Variants in AKAP6 observed in about 807,000 individuals in gnomAD.
AKAP6 encodes A-kinase anchor protein 6.
In AKAP6, 58 loss-of-function variants were observed where a neutral mutation model predicts 188.5. That is an observed-to-expected ratio of 0.31 (90% CI 0.25 to 0.38). The LOEUF is 0.38. Ranked by LOEUF, AKAP6 falls within the 10% of genes least tolerant of loss-of-function variation. The probability of loss-of-function intolerance (pLI) is 1.00; values close to 1 mark genes in which losing one functional copy is unlikely to be tolerated. For missense variants in AKAP6, 2,710 were observed against 2,740.0 expected (o/e 0.99, Z 0.24); for synonymous variants, 989 against 998.6 (o/e 0.99, Z 0.18).
chr14:32,824,206 G>A lies in AKAP6; in HGVS notation c.6393G>A (p.Glu2131=). ...DCGEVTNYIE[E]KSSTPLPLDT... ...GGGAGGTCACCAATTACATAGAAGA[G>A]AAAAGCAGCACTCCATTGCCACTAG... The change falls in exon 13 of 14, where the codon GAG becomes GAA. Residue 2131 remains glutamate (E), a synonymous_variant. Transcript: ENST00000280979. 6.2e-7 allele frequency: 1 copy of A among 1,613,926 alleles called. No individual in the cohort carries two copies. The highest frequency in any genetic ancestry group is 8.5e-7 in the Non-Finnish European group (1 of 1,179,934).
rs138816812 is a variant in AKAP6, at chr14:32,756,860, C to T, written c.3373-16818C>T. On this transcript the variant is annotated intron_variant, in intron 11 of 13. Transcript: ENST00000280979. ...GATAGCAGCCTCCTGCCTAGAATCACGGGTGCCATCCTGGTGTCTGAAGTT... is the reference window on the plus strand; with the variant it reads ...GATAGCAGCCTCCTGCCTAGAATCATGGGTGCCATCCTGGTGTCTGAAGTT... Among the ~76,000 whole-genome samples the T allele has an allele frequency of 1.2e-3, 181 of 152,174 alleles. 2 individuals are homozygous for T. Among genetic ancestry groups the T allele is most frequent in the African/African-American group, 3.8e-3 (158 of 41,532 alleles).
chr14:32,608,314 T>C (rs1427203176), intron 7 of AKAP6, among the ~76,000 whole-genome samples: 2 of 151,654 alleles, frequency 1.3e-5, no homozygotes, highest in South Asian at 2.1e-4. Flanking sequence ...GCCTGGCCAA[T>C]ATGGTGAAAC....
At chr14:32,447,361 G>A (rs983561918) in intron 2 of AKAP6, among the ~76,000 whole-genome samples, 15 of 152,024 alleles carry the variant, frequency 9.9e-5, no homozygotes, top group South Asian at 2.1e-4. Flanking sequence ...CTGAATCCTC[G>A]TGTTATGATT....
At chr14:32,383,550 C>T (rs1888437040) in intron 1 of AKAP6, among the ~76,000 whole-genome samples, 1 of 152,152 alleles carries the variant, frequency 6.6e-6, no homozygotes, top group African/African-American at 2.4e-5. Flanking sequence ...GGAGTTACAT[C>T]ATGTGATGTA....
intron 7 of AKAP6, among the ~76,000 whole-genome samples, chr14:32,658,654 G>C (rs900256052): frequency 9.9e-5 from 15 of 151,444 alleles, no homozygotes; most frequent in Admixed American, 3.3e-4. Context: ...TGAAACTTTT[G>C]ATTTGCATCT....
chr14:32,590,461 C>T (rs970609915), intron 5 of AKAP6, among the ~76,000 whole-genome samples: 1 of 151,956 alleles, frequency 6.6e-6, no homozygotes, highest in Non-Finnish European at 1.5e-5. Context: ...CAAAACAAAA[C>T]AAAACTAAAC....
At chr14:32,756,995 A>T (rs2032360698) in intron 11 of AKAP6, among the ~76,000 whole-genome samples, 1 of 152,084 alleles carries the variant, frequency 6.6e-6, no homozygotes, top group Non-Finnish European at 1.5e-5. Flanking sequence ...CAAAGGCCAG[A>T]GTGGTGCCTG....
At chr14:32,688,887 C>T (rs531533247) in intron 8 of AKAP6, among the ~76,000 whole-genome samples, 46 of 152,182 alleles carry the variant, frequency 3.0e-4, no homozygotes, top group Middle Eastern at 3.4e-3. Flanking sequence ...TAGGATTGGG[C>T]AACAGACAAT....
intron 2 of AKAP6, among the ~76,000 whole-genome samples, chr14:32,507,629 G>A (rs1284896890): frequency 6.6e-6 from 1 of 150,764 alleles, no homozygotes; most frequent in African/African-American, 2.4e-5. Context: ...ATTTACCATT[G>A]CAAGGCAACA....
intron 11 of AKAP6, among the ~76,000 whole-genome samples, chr14:32,769,553 T>G (rs2032832928): frequency 1.4e-4 from 1 of 7,376 alleles, no homozygotes; most frequent in African/African-American, 8.1e-4. Flanking sequence ...GCTTCATGGG[T>G]TTTTTTTTTT....
At chr14:32,360,604 A>G (rs1236651924) in intron 1 of AKAP6, among the ~76,000 whole-genome samples, 1 of 152,058 alleles carries the variant, frequency 6.6e-6, no homozygotes, top group Non-Finnish European at 1.5e-5. Context: ...TCAATCGTTT[A>G]TATCAGTATA....
intron 7 of AKAP6, among the ~76,000 whole-genome samples, chr14:32,660,933 C>T (rs968158852): frequency 3.8e-5 from 4 of 103,940 alleles, no homozygotes; most frequent in African/African-American, 1.2e-4. Context: ...CACCCCCCCC[C>T]CTCCCAATTC....
intron 2 of AKAP6, among the ~76,000 whole-genome samples, chr14:32,510,216 T>A: frequency 6.6e-6 from 1 of 151,882 alleles, no homozygotes; most frequent in Non-Finnish European, 1.5e-5. Context: ...TCTGCTATAA[T>A]GCACTCATCA....
intron 7 of AKAP6, among the ~76,000 whole-genome samples, chr14:32,670,054 G>C (rs1594830586): frequency 6.7e-6 from 1 of 150,136 alleles, no homozygotes; most frequent in East Asian, 2.0e-4. Flanking sequence ...CCAAGATCTT[G>C]CCACTGTACA....
intron 1 of AKAP6, among the ~76,000 whole-genome samples, chr14:32,425,180 G>A (rs1468912777): frequency 6.6e-6 from 1 of 152,064 alleles, no homozygotes; most frequent in Non-Finnish European, 1.5e-5. Flanking sequence ...TTTAATAATA[G>A]CCATTCTGAC....
intron 11 of AKAP6, among the ~76,000 whole-genome samples, chr14:32,768,601 A>G (rs2032789521): frequency 6.6e-6 from 1 of 152,194 alleles, no homozygotes; most frequent in Admixed American, 6.5e-5. Flanking sequence ...ATCATCAACA[A>G]TTGTGGTCCC....
At chr14:32,811,155 C>CATGA (rs1308538708) in intron 12 of AKAP6, among the ~76,000 whole-genome samples, 3 of 150,158 alleles carry the variant, frequency 2.0e-5, no homozygotes, top group East Asian at 4.0e-4. Flanking sequence ...AGGAGAATGG[C>CATGA]ATGAACCCGG....
At chr14:32,720,759 TA>T (rs1307100130) in intron 9 of AKAP6, among the ~76,000 whole-genome samples, 28 of 152,138 alleles carry the variant, frequency 1.8e-4, no homozygotes, top group African/African-American at 6.8e-4. Flanking sequence ...GCAAGTGGAT[TA>T]CTTGAGCCCA....
rs147151953 is a variant in AKAP6, at chr14:32,801,886, C to T, written c.3589-19516C>T. Among the ~76,000 whole-genome samples the T allele has an allele frequency of 3.4e-4, 51 of 152,178 alleles. No individual in the cohort carries two copies. The East Asian group carries it at 9.9e-3, about 29-fold the overall frequency. ...TCCACTGTAGTTCTTATCCTTATTC[C>T]TCTATGGATACAGTTTTTTATCCTC... On this transcript the variant is annotated intron_variant, in intron 12 of 13. Coordinates refer to ENST00000280979, the MANE Select transcript of AKAP6 (RefSeq NM_004274.5).
Sources: allele counts gnomAD v4.1 joint callset (sites outside exome capture counted in the v4.1 genomes callset), GRCh38; gene constraint gnomAD v4.1.1; transcripts MANE v1.5; gene names NCBI Gene and HGNC (gene_info 2026-07-23, HGNC 2026-07-21).